The following ADAMTSL1 variants were observed in gnomAD, a reference collection of about 807,000 sequenced individuals.
The protein encoded by ADAMTSL1 is ADAMTS-like protein 1.
A neutral mutation model predicts 201.8 loss-of-function variants in ADAMTSL1; 126 were observed. The ratio of observed to expected loss-of-function variants is 0.62; its 90% CI spans 0.54 to 0.72. ADAMTSL1 has a LOEUF of 0.72. Among genes scored for constraint, ADAMTSL1 ranks in the 30% least tolerant of loss-of-function variants. ADAMTSL1 has a pLI of 0.00. For missense variants in ADAMTSL1, 2,679 were observed against 2,277.8 expected (o/e 1.18, Z -3.59); for synonymous variants, 1,121 against 903.4 (o/e 1.24, Z -4.32).
At chr9:18,073,631 G>C (rs762055805) in intron 1 of ADAMTSL1, among the ~76,000 whole-genome samples, 2 of 152,146 alleles carry the variant, frequency 1.3e-5, no homozygotes, top group East Asian at 1.9e-4. Flanking sequence ...ACACTTTCAC[G>C]TATAACTATA....
intron 1 of ADAMTSL1, among the ~76,000 whole-genome samples, chr9:18,111,028 A>C (rs1824984206): frequency 6.6e-6 from 1 of 152,152 alleles, no homozygotes; most frequent in Non-Finnish European, 1.5e-5. Context: ...TCTTCTCTAA[A>C]ATGATGCTCT....
intron 2 of ADAMTSL1, among the ~76,000 whole-genome samples, chr9:18,405,658 C>T (rs1759024469): frequency 6.6e-6 from 1 of 151,428 alleles, no homozygotes; most frequent in African/African-American, 2.4e-5. Context: ...AAAGACTTAC[C>T]TTGGGCTCAA....
intron 21 of ADAMTSL1, among the ~76,000 whole-genome samples, chr9:18,818,448 G>A (rs1055924514): frequency 2.6e-5 from 4 of 152,102 alleles, no homozygotes; most frequent in African/African-American, 7.2e-5. Context: ...TACTGTTTCC[G>A]AATAACAGCC....
At chr9:18,522,704 T>C (rs909557407) in intron 2 of ADAMTSL1, among the ~76,000 whole-genome samples, 3 of 151,598 alleles carry the variant, frequency 2.0e-5, no homozygotes, top group Non-Finnish European at 4.4e-5. Flanking sequence ...GTTTTTTTTT[T>C]CCCTGCAATA....
chr9:18,260,341 A>G (rs1218351754), intron 2 of ADAMTSL1, among the ~76,000 whole-genome samples: 3 of 152,236 alleles, frequency 2.0e-5, no homozygotes, highest in Non-Finnish European at 4.4e-5. Flanking sequence ...TTGTACAGCA[A>G]AATATTTTCC....
chr9:18,122,812 A>G (rs903590048), intron 1 of ADAMTSL1, among the ~76,000 whole-genome samples: 1 of 152,056 alleles, frequency 6.6e-6, no homozygotes, highest in African/African-American at 2.4e-5. Context: ...ACTAGGTCTC[A>G]CTGTAGCCTC....
At position 18,504,656 on chromosome 9, in the gene ADAMTSL1, C is replaced by T. The variant is rs151197424; in HGVS notation, c.64-173C>T. On this transcript the variant is annotated intron_variant, in intron 1 of 28. Coordinates refer to ENST00000380548, the MANE Select transcript of ADAMTSL1 (RefSeq NM_001040272.6). ...GGGCCCTTAAATTTAAATATCCCTC[C>T]CCCTGAACATATAGGCATTATGAAA... is the stretch of plus-strand genomic sequence containing the variant. Among the ~76,000 whole-genome samples the T allele has an allele frequency of 1.4e-3, 206 of 152,306 alleles. 1 individual carries two copies. Among genetic ancestry groups the T allele is most frequent in the African/African-American group, 4.7e-3 (194 of 41,560 alleles).
In ADAMTSL1 at chr9:18,889,667, A is replaced by G; in HGVS notation, c.4562A>G (p.Glu1521Gly). Reference protein sequence around the residue: ...PRLRCLLNSTEVNPAHCAGKV... With the variant: ...PRLRCLLNSTGVNPAHCAGKV... ...TTGAGGTGCCTGCTGAACAGCACGG[A>G]GGTCAACCCTGCCCACTGCGCAGGG... Residue 1521 changes from glutamate (E) to glycine (G), a missense_variant, in exon 25 of 29, where the codon GAG becomes GGG. By Grantham distance (98) the Glu-to-Gly change is moderately conservative. Coordinates refer to ENST00000380548, the MANE Select transcript of ADAMTSL1 (RefSeq NM_001040272.6). 1.9e-6 allele frequency: 3 copies of G among 1,610,192 alleles called. No homozygotes were observed. The highest frequency in any genetic ancestry group is 2.5e-6 in the Non-Finnish European group (3 of 1,178,282).
At chr9:18,891,916 C>G (rs1464487594) in intron 25 of ADAMTSL1, among the ~76,000 whole-genome samples, 2 of 152,172 alleles carry the variant, frequency 1.3e-5, no homozygotes, top group African/African-American at 2.4e-5. Context: ...GTTTGAAGGC[C>G]AAAAGTCCAA....
chr9:18,806,330 C>T (rs1823115720), intron 20 of ADAMTSL1, among the ~76,000 whole-genome samples: 1 of 152,220 alleles, frequency 6.6e-6, no homozygotes, highest in South Asian at 2.1e-4. Flanking sequence ...GTTCCATCTG[C>T]TAGAACTCAG....
intron 19 of ADAMTSL1, among the ~76,000 whole-genome samples, chr9:18,782,266 A>C (rs59852876): frequency 9.8e-4 from 149 of 152,344 alleles, no homozygotes; most frequent in African/African-American, 3.4e-3. Flanking sequence ...TTCATTGCTT[A>C]AGTATTTACT....
chr9:18,436,370 C>T (rs1303073147), intron 2 of ADAMTSL1, among the ~76,000 whole-genome samples: 1 of 152,202 alleles, frequency 6.6e-6, no homozygotes, highest in African/African-American at 2.4e-5. Flanking sequence ...AAGCACATCA[C>T]TCTTTTCATG....
intron 2 of ADAMTSL1, among the ~76,000 whole-genome samples, chr9:18,241,506 G>T (rs1432890715): frequency 6.6e-6 from 1 of 151,758 alleles, no homozygotes; most frequent in African/African-American, 2.4e-5. Context: ...CCCTTCTCAA[G>T]CTCTGAGTAG....
intron 2 of ADAMTSL1, among the ~76,000 whole-genome samples, chr9:18,446,185 A>T (rs1820185020): frequency 6.6e-6 from 1 of 152,174 alleles, no homozygotes; most frequent in Non-Finnish European, 1.5e-5. Context: ...GGAAAAAAGA[A>T]ACTCCACAGT....
chr9:18,795,596 G>A (rs1293499823), intron 20 of ADAMTSL1, 72 bp downstream of exon 20: 16 of 1,480,304 alleles, frequency 1.1e-5, no homozygotes, highest in Admixed American at 4.4e-5. Flanking sequence ...GTGTCAAACA[G>A]GCCCAGAGAT....
At chr9:18,554,671 T>G (rs1299604843) in intron 3 of ADAMTSL1, among the ~76,000 whole-genome samples, 1 of 6,274 alleles carries the variant, frequency 1.6e-4, no homozygotes, top group East Asian at 0.013. Flanking sequence ...TCTGAGTGGT[T>G]TTTTTTTTTT....
At chr9:18,445,175 C>G (rs551296309) in intron 2 of ADAMTSL1, among the ~76,000 whole-genome samples, 2 of 152,250 alleles carry the variant, frequency 1.3e-5, no homozygotes, top group South Asian at 2.1e-4. Flanking sequence ...CTCGATTGTT[C>G]TGACAGTGAT....
Position 17,950,668 on chromosome 9 carries a change from A to G in ADAMTSL1, c.87+43746A>G, listed in dbSNP as rs141513933. On this transcript the variant is annotated intron_variant, in intron 1 of 29. Coordinates refer to the ADAMTSL1 transcript ENST00000680146. Reference sequence around the variant, plus strand: ...AATGGTTGTATAATATTTCCATCATATGAATATATCAGAGTTTATGCATTT... The same window carrying G: ...AATGGTTGTATAATATTTCCATCATGTGAATATATCAGAGTTTATGCATTT... 9.9e-5 allele frequency among the ~76,000 whole-genome samples: 15 copies of G among 152,224 alleles called. No homozygotes were observed. In the East Asian group the frequency reaches 2.9e-3, roughly 29 times the overall value.
At chr9:18,774,788 G>A (rs1820881637) in intron 17 of ADAMTSL1, among the ~76,000 whole-genome samples, 1 of 152,158 alleles carries the variant, frequency 6.6e-6, no homozygotes, top group South Asian at 2.1e-4. Context: ...TTCACCAGCT[G>A]ATAGGTATTG....
Sources: allele counts gnomAD v4.1 joint callset (sites outside exome capture counted in the v4.1 genomes callset), GRCh38; gene constraint gnomAD v4.1.1; transcripts MANE v1.5; gene names NCBI Gene and HGNC (gene_info 2026-07-23, HGNC 2026-07-21).